The following DPYD variants were observed in gnomAD, a reference collection of about 807,000 sequenced individuals.
DPYD encodes dihydropyrimidine dehydrogenase.
Under a neutral mutation model 116.2 loss-of-function variants are expected in DPYD, and 109 were observed. That is an observed-to-expected ratio of 0.94 (90% CI 0.80 to 1.10). DPYD has a LOEUF of 1.10. Ranked by LOEUF, DPYD falls within the 50% of genes least tolerant of loss-of-function variation. DPYD has a pLI of 0.00. For synonymous variants in DPYD, 440 were observed against 432.0 expected (o/e 1.02, Z -0.23); for missense variants, 1,302 against 1,254.5 (o/e 1.04, Z -0.57).
intron 16 of DPYD, among the ~76,000 whole-genome samples, chr1:97,358,076 G>A (rs1190697926): frequency 1.3e-5 from 2 of 152,188 alleles, no homozygotes; most frequent in African/African-American, 4.8e-5. Context: ...ATGGCACCTG[G>A]AAAACCAGGA....
intron 18 of DPYD, among the ~76,000 whole-genome samples, chr1:97,281,498 A>C (rs976231835): frequency 1.3e-5 from 2 of 152,040 alleles, no homozygotes; most frequent in African/African-American, 4.8e-5. Context: ...GATAGAAGAA[A>C]CTAGAATATT....
chr1:97,667,030 C>T (rs1267810043), intron 8 of DPYD, among the ~76,000 whole-genome samples: 1 of 152,108 alleles, frequency 6.6e-6, no homozygotes, highest in Non-Finnish European at 1.5e-5. Flanking sequence ...GTTTTATTGG[C>T]ACATAGCCAT....
At chr1:97,190,545 A>T (rs2101818067) in intron 20 of DPYD, among the ~76,000 whole-genome samples, 1 of 152,270 alleles carries the variant, frequency 6.6e-6, no homozygotes, top group East Asian at 1.9e-4. Flanking sequence ...AAAGCTGATG[A>T]CTGTTCTTCT....
chr1:97,824,764 GT>G (rs1669147464), intron 3 of DPYD, among the ~76,000 whole-genome samples: 1 of 152,174 alleles, frequency 6.6e-6, no homozygotes, highest in African/African-American at 2.4e-5. Flanking sequence ...CCCAAAATAT[GT>G]TTTTTCTGGC....
intron 14 of DPYD, among the ~76,000 whole-genome samples, chr1:97,398,174 C>A (rs1305168301): frequency 2.6e-5 from 4 of 152,074 alleles, no homozygotes; most frequent in African/African-American, 9.7e-5. Context: ...TCAATTCCCA[C>A]CTATGAGTGA....
At chr1:97,399,325 T>G (rs1477434378) in intron 14 of DPYD, among the ~76,000 whole-genome samples, 3 of 152,220 alleles carry the variant, frequency 2.0e-5, no homozygotes, top group Non-Finnish European at 4.4e-5. Flanking sequence ...GTGGTACCAG[T>G]ACCATGTTGT....
chr1:97,827,452 T>G (rs1034435133), intron 3 of DPYD, among the ~76,000 whole-genome samples: 1 of 152,062 alleles, frequency 6.6e-6, no homozygotes, highest in African/African-American at 2.4e-5. Context: ...CAATGTCTAA[T>G]AAAAAGCCTT....
chr1:97,207,892 T>C, intron 19 of DPYD, among the ~76,000 whole-genome samples: 1 of 152,296 alleles, frequency 6.6e-6, no homozygotes, highest in East Asian at 1.9e-4. Flanking sequence ...CTTTAATTAT[T>C]TCAAGTTCAT....
At chr1:97,776,811 C>A (rs926755336) in intron 3 of DPYD, among the ~76,000 whole-genome samples, 5 of 152,120 alleles carry the variant, frequency 3.3e-5, no homozygotes, top group Non-Finnish European at 7.4e-5. Flanking sequence ...AAATAGGAAA[C>A]CTGCTTAAAG....
intron 16 of DPYD, among the ~76,000 whole-genome samples, chr1:97,313,612 T>C (rs1313452226): frequency 6.6e-6 from 1 of 151,828 alleles, no homozygotes; most frequent in Admixed American, 6.6e-5. Context: ...CTATTCTGTT[T>C]CTCATTTCAA....
At chr1:97,722,858 T>A (rs1663001033) in intron 4 of DPYD, among the ~76,000 whole-genome samples, 1 of 151,514 alleles carries the variant, frequency 6.6e-6, no homozygotes, top group Non-Finnish European at 1.5e-5. Flanking sequence ...ATATAGGATG[T>A]CCATTGCTCG....
At chr1:97,753,636 T>C (rs1029606112) in intron 3 of DPYD, among the ~76,000 whole-genome samples, 8 of 152,140 alleles carry the variant, frequency 5.3e-5, no homozygotes, top group African/African-American at 1.9e-4. Flanking sequence ...AAATTCCTCA[T>C]TTATTTACTA....
rs1318992685 is a variant in DPYD, at chr1:97,216,666, G to T, written c.2442+18186C>A. Among the ~76,000 whole-genome samples, 3 of 151,884 alleles carry T rather than the reference G, an allele frequency of 2.0e-5. 1 individual carries two copies. The highest frequency in any genetic ancestry group is 1.3e-4 in the Admixed American group (2 of 15,252). ...AAATTATAGCCAGATGTGGTGGCGG[G>T]CACCTGTAGTCCCACCTACTCAGAA... On this transcript the variant is annotated intron_variant, in intron 19 of 22. Coordinates refer to ENST00000370192, the MANE Select transcript of DPYD (RefSeq NM_000110.4).
intron 8 of DPYD, among the ~76,000 whole-genome samples, chr1:97,655,748 A>G (rs937681283): frequency 6.6e-6 from 1 of 152,206 alleles, no homozygotes; most frequent in Non-Finnish European, 1.5e-5. Context: ...ACCAAGGGAA[A>G]CAAAAACTTT....
intron 3 of DPYD, among the ~76,000 whole-genome samples, chr1:97,762,255 G>A (rs1665613854): frequency 1.3e-5 from 2 of 152,116 alleles, no homozygotes; most frequent in Non-Finnish European, 2.9e-5. Context: ...TTAGTGAATT[G>A]GAATATGTTA....
intron 20 of DPYD, among the ~76,000 whole-genome samples, chr1:97,155,818 G>T (rs1039417893): frequency 2.0e-5 from 3 of 152,000 alleles, no homozygotes. Flanking sequence ...CTTTCCAACG[G>T]TCTCACTAAA....
chr1:97,148,255 G>T lies in DPYD; in HGVS notation c.2622+44814C>A, dbSNP rs533872429. On this transcript the variant is annotated intron_variant, in intron 20 of 22. Transcript: ENST00000370192. Reference sequence around the variant, plus strand: ...TGTGTAGGGTGTGTGTGTGTGTGTGGGGGGGGTGTGTGTGTTCTTTTGGGA... The same window carrying T: ...TGTGTAGGGTGTGTGTGTGTGTGTGTGGGGGGTGTGTGTGTTCTTTTGGGA... Among the ~76,000 whole-genome samples, 610 of 135,972 alleles carry T rather than the reference G, an allele frequency of 4.5e-3. 3 individuals carry two copies. Among genetic ancestry groups the T allele is most frequent in the Non-Finnish European group, 7.0e-3 (469 of 66,806 alleles). The allele number at this position is 135,972 out of a possible 152,430, so 89.2% of individuals were successfully genotyped here.
chr1:97,357,982 C>G (rs1326254755), intron 16 of DPYD, among the ~76,000 whole-genome samples: 4 of 152,310 alleles, frequency 2.6e-5, no homozygotes, highest in Non-Finnish European at 5.9e-5. Flanking sequence ...TGAGGATGAG[C>G]TGAAGCAGTG....
chr1:97,658,673 C>T (rs1237108987), intron 8 of DPYD, among the ~76,000 whole-genome samples: 1 of 152,156 alleles, frequency 6.6e-6, no homozygotes, highest in Admixed American at 6.5e-5. Context: ...AGCCCATCTC[C>T]ACATGTCCAG....
Sources: gnomAD v4.1 joint callset for allele counts (sites outside exome capture counted in the v4.1 genomes callset) on GRCh38, gnomAD v4.1.1 for gene constraint, MANE v1.5 for transcripts, NCBI Gene and HGNC (gene_info 2026-07-23, HGNC 2026-07-21) for gene names.